The following JAK1 variants were observed in gnomAD, a reference collection of about 807,000 sequenced individuals.
The protein encoded by JAK1 is Janus kinase 1.
Under a neutral mutation model 136.6 loss-of-function variants are expected in JAK1, and 16 were observed. The observed-to-expected ratio is 0.12, with a 90% confidence interval of 0.08 to 0.18. The LOEUF (loss-of-function observed/expected upper bound fraction) is 0.18. Among genes scored for constraint, JAK1 ranks in the 10% least tolerant of loss-of-function variants. The probability of loss-of-function intolerance (pLI) is 1.00; values close to 1 mark genes in which losing one functional copy is unlikely to be tolerated. For synonymous variants in JAK1, 492 were observed against 519.5 expected, an observed-to-expected ratio of 0.95 and a Z score of 0.72; for missense variants, 859 against 1,450.1, an observed-to-expected ratio of 0.59 and a Z score of 6.62.
chr1:64,967,224 T>A (rs1646401317), upstream of JAK1, among the ~76,000 whole-genome samples: 1 of 152,226 alleles, frequency 6.6e-6, no homozygotes, highest in Admixed American at 6.5e-5. Flanking sequence ...AAGGTCACAC[T>A]GTAGCCAAGA....
chr1:65,040,804 A>G (rs1014376873), intron 2 of JAK1, among the ~76,000 whole-genome samples: 2 of 152,180 alleles, frequency 1.3e-5, no homozygotes, highest in Admixed American at 6.5e-5. Context: ...ATACCACGAA[A>G]AAAAACATAG....
intron 1 of JAK1, among the ~76,000 whole-genome samples, chr1:64,911,216 A>T (rs1303808486): frequency 6.6e-6 from 1 of 152,234 alleles, no homozygotes; most frequent in Non-Finnish European, 1.5e-5. Flanking sequence ...CACAGGAATG[A>T]GGCCAGAAAA....
chr1:64,861,598 G>A (rs867195744), intron 8 of JAK1, among the ~76,000 whole-genome samples: 2 of 152,148 alleles, frequency 1.3e-5, no homozygotes, highest in Non-Finnish European at 2.9e-5. Flanking sequence ...TCAAAAAAGG[G>A]CAAAATGACT....
intron 1 of JAK1, among the ~76,000 whole-genome samples, chr1:64,926,103 G>A (rs1044468281): frequency 1.3e-5 from 2 of 152,120 alleles, no homozygotes; most frequent in Non-Finnish European, 2.9e-5. Flanking sequence ...CCAAGCTGTG[G>A]ACCCCAGGAC....
At chr1:65,021,056 C>G (rs1646933338) in intron 2 of JAK1, among the ~76,000 whole-genome samples, 1 of 152,152 alleles carries the variant, frequency 6.6e-6, no homozygotes, top group Non-Finnish European at 1.5e-5. Flanking sequence ...CTTCCCTCTC[C>G]CAATCTTCTG....
chr1:64,898,596 A>T (rs1645060204), intron 1 of JAK1, among the ~76,000 whole-genome samples: 2 of 152,196 alleles, frequency 1.3e-5, no homozygotes, highest in African/African-American at 4.8e-5. Context: ...CAGATGACAA[A>T]GAGATTATTA....
chr1:64,995,888 G>A (rs538804918), intron 2 of JAK1, among the ~76,000 whole-genome samples: 13 of 152,084 alleles, frequency 8.5e-5, no homozygotes, highest in South Asian at 2.1e-4. Context: ...ACAGCTGTGC[G>A]CCACCCCACC....
At chr1:64,935,490 G>A in intron 1 of JAK1, among the ~76,000 whole-genome samples, 1 of 152,068 alleles carries the variant, frequency 6.6e-6, no homozygotes, top group Non-Finnish European at 1.5e-5. Context: ...TAGTAGAGAT[G>A]GGGTTTCGCC....
intron 1 of JAK1, among the ~76,000 whole-genome samples, chr1:64,948,081 A>C (rs1222683175): frequency 6.6e-6 from 1 of 152,180 alleles, no homozygotes; most frequent in Admixed American, 6.5e-5. Flanking sequence ...ATACATAGAG[A>C]TCCTTTATCT....
chr1:65,043,700 A>ATT (rs112982943), intron 2 of JAK1, among the ~76,000 whole-genome samples: 70 of 101,238 alleles, frequency 6.9e-4, no homozygotes, highest in East Asian at 4.4e-3. Context: ...CACCTGGCTA[A>ATT]TTTTTTTTTT....
chr1:64,915,125 G>C (rs909014496), intron 1 of JAK1, among the ~76,000 whole-genome samples: 1 of 152,072 alleles, frequency 6.6e-6, no homozygotes, highest in Non-Finnish European at 1.5e-5. Flanking sequence ...AAATGAGGCA[G>C]GATTCCCAGC....
intron 2 of JAK1, among the ~76,000 whole-genome samples, chr1:64,994,272 A>T (rs943392225): frequency 6.6e-6 from 1 of 152,190 alleles, no homozygotes; most frequent in Non-Finnish European, 1.5e-5. Flanking sequence ...ACAAACTTTC[A>T]TCAAATAAAC....
At chr1:64,865,065 T>A in intron 7 of JAK1, 93 bp from the exon 8 acceptor site, 1 of 989,772 alleles carries the variant, frequency 1.0e-6, no homozygotes. Context: ...ATGCAGGGCC[T>A]AGGTCCAAGG....
intron 1 of JAK1, among the ~76,000 whole-genome samples, chr1:65,060,134 G>GA (rs58391330): frequency 0.011 from 1,507 of 142,286 alleles, 14 homozygotes; most frequent in African/African-American, 0.035. Context: ...GAAGATTAAA[G>GA]AAAAAAAAAA....
intron 1 of JAK1, among the ~76,000 whole-genome samples, chr1:64,950,958 G>A (rs1179167450): frequency 2.0e-5 from 3 of 152,076 alleles, no homozygotes; most frequent in East Asian, 1.9e-4. Context: ...GGTATTCTCA[G>A]GTGACTTCAA....
At chr1:64,857,595 C>G (rs368535192) in intron 10 of JAK1, 61 bp downstream of exon 10, 33 of 1,596,458 alleles carry the variant, frequency 2.1e-5, no homozygotes, top group African/African-American at 1.2e-4. Flanking sequence ...AGCTCCTGAA[C>G]CAGGCTACAC....
At chr1:64,850,719 A>G (rs1200754539) in intron 12 of JAK1, 85 bp downstream of exon 12, 2 of 870,866 alleles carry the variant, frequency 2.3e-6, no homozygotes, top group African/African-American at 1.7e-5. Flanking sequence ...CCCCAAACAC[A>G]GCCTTCCTTC....
chr1:65,006,468 C>T (rs771791467), intron 2 of JAK1, among the ~76,000 whole-genome samples: 1 of 152,138 alleles, frequency 6.6e-6, no homozygotes, highest in Non-Finnish European at 1.5e-5. Context: ...AGGGATCGTC[C>T]TGCCTCAGCC....
chr1:64,921,877 T>C (rs1235316294), intron 1 of JAK1, among the ~76,000 whole-genome samples: 1 of 152,004 alleles, frequency 6.6e-6, no homozygotes, highest in Non-Finnish European at 1.5e-5. Context: ...AAGAAGATAA[T>C]TCTTGAACTC....
Sources: allele counts gnomAD v4.1 joint callset (sites outside exome capture counted in the v4.1 genomes callset), GRCh38; gene constraint gnomAD v4.1.1; transcripts MANE v1.5; gene names NCBI Gene and HGNC (gene_info 2026-07-23, HGNC 2026-07-21).